SDK1: variants seen among roughly 807,000 people sequenced by gnomAD.
The protein encoded by SDK1 is protein sidekick-1.
SDK1 carries 157 observed loss-of-function variants against 245.5 expected under a neutral mutation model. The ratio of observed to expected loss-of-function variants is 0.64; its 90% CI spans 0.56 to 0.73. The LOEUF is 0.73. Among genes scored for constraint, SDK1 ranks in the 30% least tolerant of loss-of-function variants. SDK1 has a pLI of 0.00. For missense variants in SDK1, 3,583 were observed against 3,002.3 expected (o/e 1.19, Z -4.52); for synonymous variants, 1,647 against 1,278.5 (o/e 1.29, Z -6.15).
At chr7:3,908,402 C>T (rs1779035348) in intron 5 of SDK1, among the ~76,000 whole-genome samples, 1 of 152,218 alleles carries the variant, frequency 6.6e-6, no homozygotes, top group Non-Finnish European at 1.5e-5. Flanking sequence ...CGTGTCCCGA[C>T]AGCGTCGACA....
chr7:3,667,131 A>G (rs6964347), intron 4 of SDK1, among the ~76,000 whole-genome samples: 56,023 of 151,692 alleles, frequency 0.37, 11,279 homozygotes, highest in African/African-American at 0.53. Context: ...TGTCTTGTGC[A>G]TATCTGTGTA....
At chr7:3,486,600 TTTGTTATG>T (rs1781702410) in intron 1 of SDK1, among the ~76,000 whole-genome samples, 1 of 152,136 alleles carries the variant, frequency 6.6e-6, no homozygotes, top group Non-Finnish European at 1.5e-5. Flanking sequence ...GTGCGCTTTA[TTTGTTATG>T]TATGTATGAT....
chr7:3,808,786 G>C (rs1173138616), intron 4 of SDK1, among the ~76,000 whole-genome samples: 1 of 152,106 alleles, frequency 6.6e-6, no homozygotes, highest in African/African-American at 2.4e-5. Flanking sequence ...GTCTGATAAA[G>C]CAAAGAACCC....
chr7:3,954,115 G>GC (rs11382390), intron 7 of SDK1, among the ~76,000 whole-genome samples: 151,848 of 151,856 alleles, frequency 1, 75,920 homozygotes, highest in Non-Finnish European at 1. Flanking sequence ...TGGGCTGTTT[G>GC]CCCACCTGCC....
intron 1 of SDK1, among the ~76,000 whole-genome samples, chr7:3,358,491 C>G (rs184520731): frequency 6.6e-6 from 1 of 151,368 alleles, no homozygotes; most frequent in Non-Finnish European, 1.5e-5. Flanking sequence ...TACTGCTCCT[C>G]GCAGAGCAGG....
intron 1 of SDK1, among the ~76,000 whole-genome samples, chr7:3,577,970 C>G (rs1275862697): frequency 1.3e-5 from 2 of 152,028 alleles, no homozygotes; most frequent in South Asian, 2.1e-4. Flanking sequence ...AGCTGAGAGA[C>G]TAGTGAAATT....
chr7:4,139,105 T>C (rs1002274063), intron 28 of SDK1, among the ~76,000 whole-genome samples: 23 of 150,718 alleles, frequency 1.5e-4, no homozygotes, highest in African/African-American at 5.2e-4. Context: ...GCCCCCACAG[T>C]GGGAGGAGCC....
chr7:3,312,269 C>A (rs565018902), intron 1 of SDK1, among the ~76,000 whole-genome samples: 16 of 152,080 alleles, frequency 1.1e-4, no homozygotes, highest in Non-Finnish European at 1.8e-4. Context: ...TGAAACTGAC[C>A]TGCAGAGCAA....
intron 25 of SDK1, among the ~76,000 whole-genome samples, chr7:4,122,296 T>C (rs1163546367): frequency 6.6e-6 from 1 of 152,144 alleles, no homozygotes; most frequent in Non-Finnish European, 1.5e-5. Flanking sequence ...AGCAGAAAAC[T>C]CGATCCTTTT....
intron 1 of SDK1, among the ~76,000 whole-genome samples, chr7:3,584,519 T>G (rs1780617544): frequency 6.6e-6 from 1 of 152,142 alleles, no homozygotes; most frequent in African/African-American, 2.4e-5. Context: ...GGCCGCTCCT[T>G]GAGAGTTGAA....
rs140675810 is a variant in SDK1 at position 3,767,653 on chromosome 7, A to G, written c.714-53797A>G. Reference sequence around the variant, plus strand: ...TAATATCCTTCTCATCACTTTACAGATGAAGAAACAGAAGCACTGAGACAT... The same window carrying G: ...TAATATCCTTCTCATCACTTTACAGGTGAAGAAACAGAAGCACTGAGACAT... On this transcript the variant is annotated intron_variant, in intron 4 of 44. Coordinates refer to ENST00000404826, the MANE Select transcript of SDK1 (RefSeq NM_152744.4). Among the ~76,000 whole-genome samples, 4 of 152,160 alleles carry G rather than the reference A, an allele frequency of 2.6e-5. No homozygotes were observed. In the South Asian group the frequency reaches 6.2e-4, roughly 24 times the overall value.
At chr7:3,877,345 G>A (rs576925741) in intron 5 of SDK1, among the ~76,000 whole-genome samples, 1 of 152,312 alleles carries the variant, frequency 6.6e-6, no homozygotes, top group Middle Eastern at 3.4e-3. Context: ...ACCAACTGAG[G>A]TTCCTTGCAC....
intron 4 of SDK1, among the ~76,000 whole-genome samples, chr7:3,758,374 A>T (rs920232330): frequency 2.0e-5 from 3 of 152,108 alleles, no homozygotes; most frequent in Admixed American, 6.5e-5. Context: ...CCCATCTCCC[A>T]TTTATATATT....
intron 1 of SDK1, among the ~76,000 whole-genome samples, chr7:3,525,243 T>A (rs1214880081): frequency 6.6e-6 from 1 of 152,074 alleles, no homozygotes; most frequent in Non-Finnish European, 1.5e-5. Context: ...GATGACTGTA[T>A]GCCTGTACGT....
chr7:4,204,700 G>A (rs1430622885), intron 35 of SDK1, among the ~76,000 whole-genome samples: 1 of 152,182 alleles, frequency 6.6e-6, no homozygotes, highest in African/African-American at 2.4e-5. Flanking sequence ...CCGCAGCCCC[G>A]GCGGCAGGCG....
intron 19 of SDK1, among the ~76,000 whole-genome samples, 159 bp downstream of exon 19, chr7:4,051,989 C>A (rs959536239): frequency 6.6e-6 from 1 of 152,120 alleles, no homozygotes; most frequent in African/African-American, 2.4e-5. Flanking sequence ...GGCATCAGTA[C>A]TGATAATGCC....
chr7:3,556,183 T>C (rs923346410), intron 1 of SDK1, among the ~76,000 whole-genome samples: 3 of 151,926 alleles, frequency 2.0e-5, no homozygotes, highest in Non-Finnish European at 4.4e-5. Flanking sequence ...CTTCAGCAGA[T>C]GAATGGATAA....
rs527470964 is a variant in SDK1, at chr7:3,575,078, C to T, written c.299-44002C>T. ...TTGCCTCTTACAAGACAGATTCTTA[C>T]GTTGAAGTTGACATCTGCCACCTGA... is the stretch of plus-strand genomic sequence containing the variant. On this transcript the variant is annotated intron_variant, in intron 1 of 44. Coordinates refer to ENST00000404826, the MANE Select transcript of SDK1 (RefSeq NM_152744.4). 9.2e-5 allele frequency among the ~76,000 whole-genome samples: 14 copies of T among 152,140 alleles called. 1 individual carries two copies. The highest frequency in any genetic ancestry group is 8.3e-4 in the South Asian group (4 of 4,818).
intron 19 of SDK1, among the ~76,000 whole-genome samples, chr7:4,058,636 G>C (rs949504694): frequency 7.9e-5 from 12 of 152,138 alleles, no homozygotes; most frequent in East Asian, 3.8e-4. Context: ...ACCCCCATCA[G>C]ACTAACAGTG....
Sources: allele counts gnomAD v4.1 joint callset (sites outside exome capture counted in the v4.1 genomes callset), GRCh38; gene constraint gnomAD v4.1.1; transcripts MANE v1.5; gene names NCBI Gene and HGNC (gene_info 2026-07-23, HGNC 2026-07-21).